Variants in SDHB observed in about 807,000 individuals in gnomAD.
SDHB encodes the protein succinate dehydrogenase complex iron sulfur subunit B.
A neutral mutation model predicts 39.7 loss-of-function variants in SDHB; 21 were observed. The observed-to-expected ratio is 0.53, with a 90% CI of 0.37 to 0.76. The LOEUF (loss-of-function observed/expected upper bound fraction) is 0.76. Among genes scored for constraint, SDHB ranks in the 30% least tolerant of loss-of-function variants. SDHB has a pLI of 0.00. For synonymous variants in SDHB, 118 were observed against 117.0 expected (o/e 1.01, Z -0.06); for missense variants, 343 against 350.9 (o/e 0.98, Z 0.18).
At chr1:17,053,094 C>T (rs888686524) in intron 1 of SDHB, among the ~76,000 whole-genome samples, 1 of 152,132 alleles carries the variant, frequency 6.6e-6, no homozygotes, top group African/African-American at 2.4e-5. Context: ...TTTGCAAATC[C>T]TTAGTCCCTT....
rs200029148 is a variant in SDHB, at chr1:17,044,717, T to G, written c.200+44A>C. 2.5e-4 allele frequency: 405 copies of G among 1,606,314 alleles called. No homozygotes were observed. Among genetic ancestry groups the G allele is most frequent in the Non-Finnish European group, 3.1e-4 (361 of 1,173,612 alleles). On this transcript the variant is annotated intron_variant, in intron 2 of 7. Coordinates refer to ENST00000375499, the MANE Select transcript of SDHB (RefSeq NM_003000.3). Reference sequence around the variant, plus strand: ...GTGAAAAGCATGTCCCTAAATCAAATCAAGAACTCTCCTTCAATAGCTGGC... The same window carrying G: ...GTGAAAAGCATGTCCCTAAATCAAAGCAAGAACTCTCCTTCAATAGCTGGC...
rs573991964 is a variant in SDHB at position 17,025,730 on chromosome 1, C to T, written c.541-1656G>A. Among the ~76,000 whole-genome samples, 3 of 152,196 alleles carry T rather than the reference C, an allele frequency of 2.0e-5. No individual in the cohort carries two copies. The South Asian group carries it at 6.2e-4, about 32-fold the overall frequency. ...CATACATAAATTTCTCCACATTTTC[C>T]AATTATTTATTAAGTTCAGCATACT... On this transcript the variant is annotated intron_variant, in intron 5 of 7. Coordinates refer to ENST00000375499, the MANE Select transcript of SDHB (RefSeq NM_003000.3).
rs185725435 is a variant in SDHB at position 17,031,346 on chromosome 1, C to T, written c.286+1714G>A. 3.5e-3 allele frequency among the ~76,000 whole-genome samples: 531 copies of T among 151,612 alleles called. 2 individuals are homozygous for T. Among genetic ancestry groups the T allele is most frequent in the Non-Finnish European group, 4.6e-3 (310 of 67,910 alleles). Reference sequence around the variant, plus strand: ...AAAAGGCTCCCTGGGAATTCTCTTACAAGATGGGAATTAAAAAAAAAATAA... The same window carrying T: ...AAAAGGCTCCCTGGGAATTCTCTTATAAGATGGGAATTAAAAAAAAAATAA... On this transcript the variant is annotated intron_variant, in intron 3 of 7. Transcript: ENST00000375499.
chr1:17,036,754 AT>A (rs2078052375), intron 2 of SDHB, among the ~76,000 whole-genome samples: 1 of 146,604 alleles, frequency 6.8e-6, no homozygotes, highest in Admixed American at 6.9e-5. Context: ...AAATATAAAT[AT>A]TTATATAAAT....
chr1:17,038,236 T>C (rs1046987247), intron 2 of SDHB, among the ~76,000 whole-genome samples: 2 of 152,236 alleles, frequency 1.3e-5, no homozygotes, highest in African/African-American at 2.4e-5. Flanking sequence ...AAAGATTATG[T>C]TATCTATGAG....
At chr1:17,047,886 G>C (rs1219642798) in intron 1 of SDHB, among the ~76,000 whole-genome samples, 1 of 152,002 alleles carries the variant, frequency 6.6e-6, no homozygotes, top group Non-Finnish European at 1.5e-5. Flanking sequence ...TCACTGTGTT[G>C]CCTAGGCTGG....
chr1:17,028,196 G>A (rs948234684), intron 4 of SDHB, among the ~76,000 whole-genome samples: 1 of 152,184 alleles, frequency 6.6e-6, no homozygotes, highest in Non-Finnish European at 1.5e-5. Context: ...AACAGCTGTT[G>A]CTTTCCCAAC....
At chr1:17,043,817 TCAG>T (rs935856989) in intron 2 of SDHB, among the ~76,000 whole-genome samples, 1 of 152,208 alleles carries the variant, frequency 6.6e-6, no homozygotes, top group African/African-American at 2.4e-5. Context: ...CAGCTTACAG[TCAG>T]CAGAATGACA....
At chr1:17,028,455 A>C (rs903011651) in intron 4 of SDHB, 145 bp downstream of exon 4, 1 of 829,700 alleles carries the variant, frequency 1.2e-6, no homozygotes, top group African/African-American at 1.7e-5. Context: ...ATAATATAGG[A>C]AACAGTCCCA....
Position 17,052,792 on chromosome 1 carries a change from G to A in SDHB, c.72+1156C>T, listed in dbSNP as rs2078156138. Reference sequence around the variant, plus strand: ...ATATGTACTGTGTTATGCAGCCATAGCAGGCACTTAAGATGAAAGATGTCC... The same window carrying A: ...ATATGTACTGTGTTATGCAGCCATAACAGGCACTTAAGATGAAAGATGTCC... On this transcript the variant is annotated intron_variant, in intron 1 of 7. Coordinates refer to ENST00000375499, the MANE Select transcript of SDHB (RefSeq NM_003000.3). 1.3e-5 allele frequency among the ~76,000 whole-genome samples: 2 copies of A among 152,204 alleles called. 1 individual carries two copies. The highest frequency in any genetic ancestry group is 3.8e-4 in the East Asian group (2 of 5,200).
intron 6 of SDHB, 37 bp downstream of exon 6, chr1:17,023,936 T>A: frequency 6.7e-7 from 1 of 1,500,946 alleles, no homozygotes; most frequent in Non-Finnish European, 9.3e-7. Context: ...GATGCTTGAG[T>A]TTCAATTTCT....
intron 7 of SDHB, among the ~76,000 whole-genome samples, chr1:17,021,461 G>GGGCCGGTCGAAACAGATGAGAA (rs1557739013): frequency 6.6e-6 from 1 of 151,888 alleles, no homozygotes. Flanking sequence ...ACAGATGAGA[G>GGGCCGGTCGAAACAGATGAGAA]GGGCCGGTCG....
At chr1:17,029,093 GTTTTTTTTTTTTTTTT>G (rs746243819) in intron 3 of SDHB, among the ~76,000 whole-genome samples, 9 of 72,028 alleles carry the variant, frequency 1.2e-4, no homozygotes, top group Admixed American at 5.1e-4. Context: ...AAATCAGCCT[GTTTTTTTTTTTTTTTT>G]TTTTTTTTTT....
At position 17,018,845 on chromosome 1, in the gene SDHB, T is replaced by G; in HGVS notation, c.*36A>C. The G allele has an allele frequency of 2.9e-5, 42 of 1,453,974 alleles. No individual in the cohort carries two copies. Among genetic ancestry groups the G allele is most frequent in the Non-Finnish European group, 3.9e-5 (40 of 1,034,424 alleles). The allele number at this position is 1,453,974 out of a possible 1,614,324, so 90.1% of individuals were successfully genotyped here. On this transcript the variant is annotated 3_prime_UTR_variant, in exon 8 of 8. Transcript: ENST00000375499. ...ATTAGATATAAATTATGTTCAGCTC[T>G]GAGCTGGTTATAAATCATGTTTAGC...
Position 17,027,530 on chromosome 1 carries a change from G to A in SDHB, c.540+219C>T, listed in dbSNP as rs1012945614. 152 of 547,468 alleles carry A rather than the reference G, an allele frequency of 2.8e-4. 1 individual carries two copies. The highest frequency in any genetic ancestry group is 7.3e-4 in the Admixed American group (24 of 32,798). 33.9% of individuals were successfully genotyped at this position (547,468 alleles called of 1,614,324 possible). A position where few individuals can be genotyped will look rare whatever the true frequency, so the allele number is the denominator to read the frequency against. ...ACAGCAACCACCCGCCCCTGCAGGCGGGGCACAGGGCTCTAGCTCCTTGGT... is the reference window on the plus strand; with the variant it reads ...ACAGCAACCACCCGCCCCTGCAGGCAGGGCACAGGGCTCTAGCTCCTTGGT... On this transcript the variant is annotated intron_variant, in intron 5 of 7. Coordinates refer to ENST00000375499, the MANE Select transcript of SDHB (RefSeq NM_003000.3).
At chr1:17,041,784 ACGCAAGATG>A (rs1230964058) in intron 2 of SDHB, among the ~76,000 whole-genome samples, 1 of 152,230 alleles carries the variant, frequency 6.6e-6, no homozygotes, top group Non-Finnish European at 1.5e-5. Context: ...ATATGGCTGC[ACGCAAGATG>A]TGGGCAGAGT....
chr1:17,049,677 T>TTTTTTTTTG (rs1009759642), intron 1 of SDHB, among the ~76,000 whole-genome samples: 3 of 108,908 alleles, frequency 2.8e-5, no homozygotes, highest in African/African-American at 9.2e-5. Context: ...TTTTTTTTTT[T>TTTTTTTTTG]GTGAGACAGT....
intron 7 of SDHB, among the ~76,000 whole-genome samples, chr1:17,022,094 G>A (rs1467396522): frequency 6.6e-6 from 1 of 152,202 alleles, no homozygotes; most frequent in Non-Finnish European, 1.5e-5. Context: ...GTGCTGGGAG[G>A]CAAAATCCAG....
At chr1:17,042,681 G>A (rs1385684084) in intron 2 of SDHB, among the ~76,000 whole-genome samples, 1 of 151,960 alleles carries the variant, frequency 6.6e-6, no homozygotes, top group Non-Finnish European at 1.5e-5. Context: ...AGGAGGATGA[G>A]GCAGGTGGAT....
Sources: allele counts gnomAD v4.1 joint callset (sites outside exome capture counted in the v4.1 genomes callset), GRCh38; gene constraint gnomAD v4.1.1; transcripts MANE v1.5; gene names NCBI Gene and HGNC (gene_info 2026-07-23, HGNC 2026-07-21).